The following IL21R variants were observed in gnomAD, a reference collection of about 807,000 sequenced individuals.
The protein encoded by IL21R is interleukin 21 receptor, also known as interleukin-21 receptor.
IL21R carries 14 observed loss-of-function variants against 41.3 expected under a neutral mutation model. The ratio of observed to expected loss-of-function variants is 0.34; its 90% CI spans 0.22 to 0.53. The LOEUF is 0.53. Ranked by LOEUF, IL21R falls within the 20% of genes least tolerant of loss-of-function variation. The probability of loss-of-function intolerance (pLI) is 0.94; values close to 1 mark genes in which losing one functional copy is unlikely to be tolerated. For missense variants in IL21R, 588 were observed against 681.6 expected (o/e 0.86, Z 1.53); for synonymous variants, 286 against 287.6 (o/e 0.99, Z 0.05).
At chr16:27,440,248 T>TATATATATATATATATATATATAGAG (rs1352160946) in intron 4 of IL21R, among the ~76,000 whole-genome samples, 1 of 64,030 alleles carries the variant, frequency 1.6e-5, no homozygotes, top group African/African-American at 8.8e-5. Flanking sequence ...TATATATATA[T>TATATATATATATATATATATATAGAG]AGAGAGAGAG....
Position 27,443,032 on chromosome 16 carries a change from T to C in IL21R, c.423T>C (p.Asp141=), listed in dbSNP as rs770011561. The change falls in exon 5 of 9, where the codon GAT becomes GAC. Residue 141 remains aspartate, a synonymous_variant. Coordinates refer to ENST00000337929, the MANE Select transcript of IL21R (RefSeq NM_181078.3). ...AGTATAATATCTCCTGGCGCTCAGA[T>C]TACGAAGACCCTGCCTTCTACATGC... The part of the protein sequence containing the change: ...SGQYNISWRS[D]YEDPAFYMLK... 8.1e-6 allele frequency: 13 copies of C among 1,613,996 alleles called. No homozygotes were observed. Among genetic ancestry groups the C allele is most frequent in the Non-Finnish European group, 1.0e-5 (12 of 1,179,928 alleles).
At chr16:27,435,963 G>T (rs878985038) in intron 3 of IL21R, among the ~76,000 whole-genome samples, 2 of 152,134 alleles carry the variant, frequency 1.3e-5, no homozygotes, top group African/African-American at 4.8e-5. Flanking sequence ...AGTAGAGACA[G>T]GGTTTTGTCA....
chr16:27,418,391 CAG>C (rs1249234051), intron 1 of IL21R, among the ~76,000 whole-genome samples: 1 of 150,602 alleles, frequency 6.6e-6, no homozygotes, highest in Non-Finnish European at 1.5e-5. Flanking sequence ...TTTTTTGAGA[CAG>C]AGTCTCACTC....
intron 1 of IL21R, among the ~76,000 whole-genome samples, chr16:27,414,613 CT>C (rs1267479227): frequency 6.6e-6 from 1 of 151,756 alleles, no homozygotes; most frequent in Non-Finnish European, 1.5e-5. Flanking sequence ...TATTTGTTTT[CT>C]TTTTTGACCT....
In IL21R at chr16:27,450,295, G is replaced by T. The variant is rs1452290392; in HGVS notation, c.*1012G>T. 1 of 232,162 alleles carries T rather than the reference G, an allele frequency of 4.3e-6. No individual in the cohort carries two copies. The highest frequency in any genetic ancestry group is 2.2e-5 in the African/African-American group (1 of 45,258). The allele number at this position is 232,162 out of a possible 1,614,324, so 14.4% of individuals were successfully genotyped here. A position where few individuals can be genotyped will look rare whatever the true frequency, so the allele number is the denominator to read the frequency against. ...AAAAATTCCCTTTATGCACCCAAGA[G>T]ATATTTATTAAACACCAATTACGTA... On this transcript the variant is annotated 3_prime_UTR_variant, in exon 9 of 9. Transcript: ENST00000337929.
chr16:27,418,403 C>CT (rs1375184081), intron 1 of IL21R, among the ~76,000 whole-genome samples: 6 of 151,772 alleles, frequency 4.0e-5, no homozygotes, highest in Admixed American at 1.3e-4. Flanking sequence ...GAGTCTCACT[C>CT]TATCACCCAG....
At chr16:27,418,004 CT>C (rs57613415) in intron 1 of IL21R, among the ~76,000 whole-genome samples, 1,965 of 134,702 alleles carry the variant, frequency 0.015, 18 homozygotes, top group East Asian at 0.026. Context: ...AACATTTTTC[CT>C]ATTTTATTTA....
intron 3 of IL21R, 48 bp downstream of exon 3, chr16:27,434,497 C>T (rs377414600): frequency 8.2e-7 from 1 of 1,214,546 alleles, no homozygotes; most frequent in Non-Finnish European, 1.2e-6. Flanking sequence ...TTCAGGGTGC[C>T]TGCTCAGTGA....
intron 1 of IL21R, among the ~76,000 whole-genome samples, chr16:27,419,274 C>G (rs1030660595): frequency 2.0e-5 from 3 of 152,176 alleles, no homozygotes; most frequent in African/African-American, 7.2e-5. Context: ...TACACAGGGT[C>G]AAGATCACCA....
rs776178795 is a variant in IL21R, at chr16:27,434,446, C to G, written c.149C>G (p.Thr50Ser). Reference sequence around the variant, plus strand: ...CTCCACCCCAGCACGCTCACCCTTACCTGGTAAGTAGCCGGGCCTCACCAG... The same window carrying G: ...CTCCACCCCAGCACGCTCACCCTTAGCTGGTAAGTAGCCGGGCCTCACCAG... ...WNLHPSTLTL[T>S]WQDQYEELKD... The change falls in exon 3 of 9, where the codon ACC (threonine) becomes AGC (serine). Residue 50 changes from threonine to serine, a missense_variant. Thr to Ser is a moderately conservative substitution (Grantham distance 58, BLOSUM62 1). Coordinates refer to ENST00000337929, the MANE Select transcript of IL21R (RefSeq NM_181078.3). 2 of 1,607,112 alleles carry G rather than the reference C, an allele frequency of 1.2e-6. No homozygotes were observed. Among genetic ancestry groups the G allele is most frequent in the Admixed American group, 3.3e-5 (2 of 59,992 alleles).
Position 27,434,550 on chromosome 16 carries a change from C to T in IL21R, c.152+101C>T, listed in dbSNP as rs1033750004. ...TGTGCACTGAGGACCACTGTGTCCGCCTTTCAGACAACCACTCAGGGCTCA... is the reference window on the plus strand; with the variant it reads ...TGTGCACTGAGGACCACTGTGTCCGTCTTTCAGACAACCACTCAGGGCTCA... On this transcript the variant is annotated intron_variant, in intron 3 of 8. Transcript: ENST00000337929. The T allele has an allele frequency of 1.8e-4, 136 of 751,514 alleles. No individual in the cohort carries two copies. The African/African-American group carries it at 2.2e-3, about 12-fold the overall frequency. 46.6% of individuals were successfully genotyped at this position (751,514 alleles called of 1,614,324 possible). A position where few individuals can be genotyped will look rare whatever the true frequency, so the allele number is the denominator to read the frequency against.
intron 4 of IL21R, among the ~76,000 whole-genome samples, chr16:27,439,780 C>T (rs1192250040): frequency 6.6e-6 from 1 of 152,164 alleles, no homozygotes; most frequent in Non-Finnish European, 1.5e-5. Context: ...CTAGCCTGGT[C>T]CCAGCTGGGG....
chr16:27,418,457 C>T (rs2086937221), intron 1 of IL21R, among the ~76,000 whole-genome samples: 1 of 152,182 alleles, frequency 6.6e-6, no homozygotes, highest in African/African-American at 2.4e-5. Flanking sequence ...CAACCTCCGC[C>T]TCCCAGGTTC....
intron 4 of IL21R, among the ~76,000 whole-genome samples, chr16:27,439,321 CTCTT>C (rs2087332633): frequency 6.6e-6 from 1 of 151,790 alleles, no homozygotes. Flanking sequence ...CTGCCTCTCT[CTCTT>C]GCTCTCTCTC....
At chr16:27,416,274 C>T (rs570269480) in intron 1 of IL21R, among the ~76,000 whole-genome samples, 1 of 152,114 alleles carries the variant, frequency 6.6e-6, no homozygotes, top group Non-Finnish European at 1.5e-5. Context: ...GTAGCCTACA[C>T]TACAGGTTTG....
rs1041676443 is a variant in IL21R at position 27,406,938 on chromosome 16, C to T, written c.-17+4320C>T. On this transcript the variant is annotated intron_variant, in intron 1 of 8. Coordinates refer to ENST00000337929, the MANE Select transcript of IL21R (RefSeq NM_181078.3). ...GAGAACCCACTGAGATGAGAACTTG[C>T]TGTGTGACCCTGGGCAGCCCACTGT... 3.3e-5 allele frequency among the ~76,000 whole-genome samples: 5 copies of T among 152,306 alleles called. No individual in the cohort carries two copies. In the South Asian group the frequency reaches 6.2e-4, roughly 19 times the overall value.
chr16:27,406,492 T>C (rs527880333), intron 1 of IL21R, among the ~76,000 whole-genome samples: 5 of 152,058 alleles, frequency 3.3e-5, no homozygotes, highest in African/African-American at 7.2e-5. Flanking sequence ...GAGGGAAAGA[T>C]TGCTGGAGCT....
At position 27,444,680 on chromosome 16, in the gene IL21R, G is replaced by C. The variant is rs1399036115; in HGVS notation, c.646G>C (p.Glu216Gln). The change falls in exon 6 of 9, where the codon GAA becomes CAA. Residue 216 changes from glutamate (E) to glutamine (Q), a missense_variant. Coordinates refer to ENST00000337929, the MANE Select transcript of IL21R (RefSeq NM_181078.3). ...CTCCTCCTACCAGGGGACCTGGAGTGAATGGAGTGACCCGGTCATCTTTCA... is the reference window on the plus strand; with the variant it reads ...CTCCTCCTACCAGGGGACCTGGAGTCAATGGAGTGACCCGGTCATCTTTCA... ...PGSSYQGTWS[E>Q]WSDPVIFQTQ... 2 of 1,550,126 alleles carry C rather than the reference G, an allele frequency of 1.3e-6. No individual in the cohort carries two copies. Among genetic ancestry groups the C allele is most frequent in the Non-Finnish European group, 1.7e-6 (2 of 1,149,040 alleles).
At chr16:27,408,565 G>A (rs985638030) in intron 1 of IL21R, among the ~76,000 whole-genome samples, 8 of 152,230 alleles carry the variant, frequency 5.3e-5, no homozygotes, top group Non-Finnish European at 8.8e-5. Context: ...AGGACCAGCA[G>A]GAGAGCAGGT....
Sources: gnomAD v4.1 joint callset for allele counts (sites outside exome capture counted in the v4.1 genomes callset) on GRCh38, gnomAD v4.1.1 for gene constraint, MANE v1.5 for transcripts, NCBI Gene and HGNC (gene_info 2026-07-23, HGNC 2026-07-21) for gene names.